The following TRIM36 variants were observed in gnomAD, a reference collection of about 807,000 sequenced individuals.
TRIM36 encodes the protein E3 ubiquitin-protein ligase TRIM36.
Under a neutral mutation model 72.4 loss-of-function variants are expected in TRIM36, and 42 were observed. That is an observed-to-expected ratio of 0.58 (90% CI 0.45 to 0.75). The LOEUF (loss-of-function observed/expected upper bound fraction) is 0.75, where lower values mean the gene tolerates loss of function less well. Ranked by LOEUF, TRIM36 falls within the 30% of genes least tolerant of loss-of-function variation. The pLI, the probability that TRIM36 is intolerant of heterozygous loss-of-function variation, is 0.00. For missense variants in TRIM36, 913 were observed against 857.1 expected (o/e 1.07, Z -0.81); for synonymous variants, 315 against 282.8 (o/e 1.11, Z -1.14).
intron 2 of TRIM36, chr5:115,149,790 GCT>G (rs1263078722): frequency 2.0e-5 from 3 of 151,642 alleles, no homozygotes; most frequent in African/African-American, 4.9e-5. Context: ...ATGGAGTCTC[GCT>G]CTGTCGTCCA....
chr5:115,177,915 A>C (rs898175680), intron 1 of TRIM36: 6 of 1,598,700 alleles, frequency 3.8e-6, no homozygotes. Context: ...AGAGAAATCC[A>C]GTAAATGAAG....
At chr5:115,152,228 T>C (rs1487512773) in intron 2 of TRIM36, among the ~76,000 whole-genome samples, 3 of 152,146 alleles carry the variant, frequency 2.0e-5, no homozygotes, top group African/African-American at 4.8e-5. Flanking sequence ...CAAAATGCTC[T>C]GGAAAGTCTT....
intron 2 of TRIM36, chr5:115,148,848 C>T (rs977366287): frequency 4.6e-5 from 7 of 152,244 alleles, no homozygotes; most frequent in Admixed American, 3.3e-4. Flanking sequence ...ATTTGGTATA[C>T]CACATTACAA....
chr5:115,163,607 T>A lies in TRIM36; in HGVS notation c.173A>T (p.Asp58Val), dbSNP rs1754606008. The A allele has an allele frequency of 6.2e-7, 1 of 1,614,202 alleles. No individual in the cohort carries two copies. The highest frequency in any genetic ancestry group is 1.1e-5 in the South Asian group (1 of 91,084). ...LLLTLDDSFN[D>V]VGSDNSNQSS... ...TTGATTGGAGTTGTCTGATCCCACA[T>A]CGTTGAATGAATCATCGAGAGTCAG... is the stretch of plus-strand genomic sequence containing the variant. Residue 58 changes from aspartate to valine, a missense_variant, in exon 2 of 10, where the codon GAT becomes GTT. Coordinates refer to ENST00000513154, the MANE Select transcript of TRIM36 (RefSeq NM_001300759.2).
intron 4 of TRIM36, among the ~76,000 whole-genome samples, chr5:115,143,714 T>G (rs1005023258): frequency 3.3e-5 from 5 of 152,102 alleles, no homozygotes; most frequent in African/African-American, 1.2e-4. Context: ...ACAAAATGGG[T>G]AGTAGGTACA....
At chr5:115,135,637 A>T (rs1199165567) in intron 7 of TRIM36, among the ~76,000 whole-genome samples, 3 of 152,128 alleles carry the variant, frequency 2.0e-5, no homozygotes, top group African/African-American at 7.2e-5. Flanking sequence ...CTTTCCAGCA[A>T]CCATTTTGGG....
chr5:115,165,086 G>C (rs1754689062), intron 1 of TRIM36, among the ~76,000 whole-genome samples: 1 of 152,226 alleles, frequency 6.6e-6, no homozygotes, highest in East Asian at 1.9e-4. Context: ...GGACTGCCAT[G>C]GCCTTGGGCA....
chr5:115,144,380 C>T (rs780909469), intron 4 of TRIM36, among the ~76,000 whole-genome samples: 3 of 152,046 alleles, frequency 2.0e-5, no homozygotes, highest in Non-Finnish European at 4.4e-5. Context: ...AGAGCTAATA[C>T]AACATAGGTG....
chr5:115,176,055 G>A (rs1481694134), intron 1 of TRIM36, among the ~76,000 whole-genome samples: 1 of 152,194 alleles, frequency 6.6e-6, no homozygotes, highest in Non-Finnish European at 1.5e-5. Context: ...GAACCCAGAA[G>A]TGAAGGTTGC....
intron 1 of TRIM36, among the ~76,000 whole-genome samples, chr5:115,178,343 C>A (rs189872762): frequency 6.6e-6 from 1 of 152,202 alleles, no homozygotes; most frequent in Non-Finnish European, 1.5e-5. Context: ...TGCCCCCTAG[C>A]CCCTCAACGT....
Position 115,133,198 on chromosome 5 carries a change from T to C in TRIM36, c.1498+662A>G, listed in dbSNP as rs1752782497. Among the ~76,000 whole-genome samples the C allele has an allele frequency of 2.0e-5, 3 of 152,174 alleles. No homozygotes were observed. In the South Asian group the frequency reaches 6.2e-4, roughly 32 times the overall value. On this transcript the variant is annotated intron_variant, in intron 8 of 9. Transcript: ENST00000513154. ...CTGAGCACAATTTTGGTTCTAAATA[T>C]CCCTTGTTCATGGAGACATCATAGT...
intron 2 of TRIM36, among the ~76,000 whole-genome samples, chr5:115,156,069 A>C (rs1280445553): frequency 6.6e-6 from 1 of 152,134 alleles, no homozygotes; most frequent in East Asian, 1.9e-4. Context: ...TGCAAAAAAA[A>C]CCCCAAAACC....
chr5:115,126,799 G>T lies in TRIM36; in HGVS notation c.1855C>A (p.Gln619Lys), dbSNP rs1389012210. 2 of 1,614,134 alleles carry T rather than the reference G, an allele frequency of 1.2e-6. No homozygotes were observed. The highest frequency in any genetic ancestry group is 1.7e-6 in the Non-Finnish European group (2 of 1,180,016). ...CCTATAGTAACTAAGGTAAATGGTTGTGAAGAATCAAAACAGGCATCCTCA... is the reference window on the plus strand; with the variant it reads ...CCTATAGTAACTAAGGTAAATGGTTTTGAAGAATCAAAACAGGCATCCTCA... ...GSEDACFDSS[Q>K]PFTLVTIGMQ... Residue 619 changes from glutamine to lysine, a missense_variant, in exon 10 of 10, where the codon CAA becomes AAA. Coordinates refer to ENST00000513154, the MANE Select transcript of TRIM36 (RefSeq NM_001300759.2).
At chr5:115,173,651 C>A (rs367763089), upstream of TRIM36, among the ~76,000 whole-genome samples, 1 of 152,084 alleles carries the variant, frequency 6.6e-6, no homozygotes, top group East Asian at 1.9e-4. Context: ...AGATGTTGAG[C>A]AGCTTTTGAA....
At chr5:115,133,780 T>A in intron 8 of TRIM36, 80 bp downstream of exon 8, 10 of 1,412,524 alleles carry the variant, frequency 7.1e-6, no homozygotes, top group Non-Finnish European at 9.5e-6. Flanking sequence ...CAGGTCTACA[T>A]GGAGATACTG....
chr5:115,130,427 A>G (rs887522207), intron 9 of TRIM36, among the ~76,000 whole-genome samples, 165 bp downstream of exon 9: 3 of 152,208 alleles, frequency 2.0e-5, no homozygotes, highest in African/African-American at 4.8e-5. Flanking sequence ...TCCTTATTCA[A>G]TGTGTGATTA....
At chr5:115,177,715 C>A (rs768475580) in intron 1 of TRIM36, 1 of 1,613,882 alleles carries the variant, frequency 6.2e-7, no homozygotes, top group Non-Finnish European at 8.5e-7. Flanking sequence ...CAACTCTCCC[C>A]CTCCAACCCC....
intron 1 of TRIM36, chr5:115,177,098 C>G (rs941216146): frequency 6.6e-6 from 1 of 152,276 alleles, no homozygotes; most frequent in Admixed American, 6.5e-5. Flanking sequence ...AGAGAACATA[C>G]GGTATGCTAA....
intron 5 of TRIM36, among the ~76,000 whole-genome samples, chr5:115,141,050 C>T (rs927681572): frequency 2.0e-5 from 3 of 152,022 alleles, no homozygotes; most frequent in Non-Finnish European, 4.4e-5. Context: ...CATTTTTTCC[C>T]TCTGTGTTCC....
Sources: gnomAD v4.1 joint callset for allele counts (sites outside exome capture counted in the v4.1 genomes callset) on GRCh38, gnomAD v4.1.1 for gene constraint, MANE v1.5 for transcripts, NCBI Gene and HGNC (gene_info 2026-07-23, HGNC 2026-07-21) for gene names.